Variants in NRP1 observed in about 807,000 individuals in gnomAD.
NRP1 encodes the protein neuropilin 1, also known as neuropilin-1.
A neutral mutation model predicts 106.7 loss-of-function variants in NRP1; 35 were observed. The ratio of observed to expected loss-of-function variants is 0.33; its 90% CI spans 0.25 to 0.43. The LOEUF (loss-of-function observed/expected upper bound fraction) is 0.43, where lower values mean the gene tolerates loss of function less well. NRP1 is among the 20% of genes least tolerant of loss of function. The probability of loss-of-function intolerance (pLI) is 1.00; values close to 1 mark genes in which losing one functional copy is unlikely to be tolerated. For synonymous variants in NRP1, 437 were observed against 417.9 expected, an observed-to-expected ratio of 1.05 and a Z score of -0.56; for missense variants, 1,024 against 1,170.4, an observed-to-expected ratio of 0.87 and a Z score of 1.83.
intron 2 of NRP1, among the ~76,000 whole-genome samples, chr10:33,307,332 A>C (rs926569693): frequency 1.3e-5 from 2 of 152,128 alleles, no homozygotes; most frequent in Non-Finnish European, 2.9e-5. Context: ...ATGCTCATTC[A>C]TTTGCCTATT....
At chr10:33,284,494 G>A (rs1467147872) in intron 2 of NRP1, among the ~76,000 whole-genome samples, 4 of 152,104 alleles carry the variant, frequency 2.6e-5, no homozygotes, top group Non-Finnish European at 4.4e-5. Flanking sequence ...CCTTCCAGTT[G>A]AAACTTATTA....
chr10:33,307,017 A>G (rs545966320), intron 2 of NRP1, among the ~76,000 whole-genome samples: 3 of 152,308 alleles, frequency 2.0e-5, no homozygotes, highest in African/African-American at 7.2e-5. Flanking sequence ...ACTTTTCCAT[A>G]CTCTGCATAT....
chr10:33,333,733 T>C (rs1201287616), intron 1 of NRP1, among the ~76,000 whole-genome samples: 1 of 152,236 alleles, frequency 6.6e-6, no homozygotes, highest in Non-Finnish European at 1.5e-5. Flanking sequence ...GATTTTCAGA[T>C]ATCCTGGTGC....
rs757963789 is a variant in NRP1 at position 33,263,675 on chromosome 10, C to A, written c.629G>T (p.Arg210Leu). Residue 210 changes from arginine (R) to leucine (L), a missense_variant, in exon 4 of 17, where the codon CGG becomes CTG. By Grantham distance (102) the Arg-to-Leu change is moderately radical. This residue lies in a region of NRP1 where 279 missense variants were observed against 327.4 expected (regional missense o/e 0.85). Transcript: ENST00000374867. ...PPGGMFCRYD[R>L]LEIWDGFPDV... ...AGGGAATCCATCCCAGATTTCTAGCCGGTCGTAGCGACAGAACATCCCCCC... is the reference window on the plus strand; with the variant it reads ...AGGGAATCCATCCCAGATTTCTAGCAGGTCGTAGCGACAGAACATCCCCCC... The A allele has an allele frequency of 6.2e-7, 1 of 1,613,940 alleles. No homozygotes were observed. Among genetic ancestry groups the A allele is most frequent in the Non-Finnish European group, 8.5e-7 (1 of 1,179,922 alleles).
intron 4 of NRP1, among the ~76,000 whole-genome samples, chr10:33,260,317 T>G (rs1174437014): frequency 6.6e-6 from 1 of 152,178 alleles, no homozygotes; most frequent in African/African-American, 2.4e-5. Context: ...TTGTAGCTTT[T>G]CCCCAGAAAA....
At chr10:33,317,228 C>A (rs1847103081) in intron 2 of NRP1, among the ~76,000 whole-genome samples, 1 of 152,168 alleles carries the variant, frequency 6.6e-6, no homozygotes. Flanking sequence ...TCACATAAGG[C>A]CATTCATGAG....
chr10:33,187,091 T>C (rs1836061068), intron 13 of NRP1, among the ~76,000 whole-genome samples: 1 of 152,244 alleles, frequency 6.6e-6, no homozygotes, highest in East Asian at 1.9e-4. Flanking sequence ...CAGGCTAGTC[T>C]CAAACTCCTG....
At chr10:33,230,764 A>G (rs140099314) in intron 6 of NRP1, among the ~76,000 whole-genome samples, 1 of 151,964 alleles carries the variant, frequency 6.6e-6, no homozygotes, top group East Asian at 1.9e-4. Context: ...ATCTGAATCT[A>G]TTTCTTTGGT....
chr10:33,331,507 A>G (rs1184637300), intron 1 of NRP1, among the ~76,000 whole-genome samples: 1 of 152,240 alleles, frequency 6.6e-6, no homozygotes, highest in Non-Finnish European at 1.5e-5. Context: ...TACTTCTCCA[A>G]GTAAAGTTGT....
intron 4 of NRP1, among the ~76,000 whole-genome samples, chr10:33,259,455 T>A (rs1271123267): frequency 6.6e-6 from 1 of 152,320 alleles, no homozygotes; most frequent in East Asian, 1.9e-4. Flanking sequence ...ATCCGTCTCG[T>A]GTGTGTGCTC....
At chr10:33,263,527 T>C (rs1371584173) in intron 4 of NRP1, 119 bp downstream of exon 4, 1 of 687,366 alleles carries the variant, frequency 1.5e-6, no homozygotes, top group African/African-American at 1.8e-5. Flanking sequence ...TTTTGCTTTG[T>C]TTTCCAGTGT....
chr10:33,238,193 T>G (rs1185799885), intron 6 of NRP1, among the ~76,000 whole-genome samples: 1 of 152,228 alleles, frequency 6.6e-6, no homozygotes, highest in South Asian at 2.1e-4. Flanking sequence ...GCGAGACTTC[T>G]CTCTTGAGTC....
intron 6 of NRP1, among the ~76,000 whole-genome samples, chr10:33,236,691 G>A (rs1315614732): frequency 6.6e-6 from 1 of 152,208 alleles, no homozygotes; most frequent in Non-Finnish European, 1.5e-5. Flanking sequence ...AACAGTAATA[G>A]AAGAATGAGT....
intron 6 of NRP1, among the ~76,000 whole-genome samples, chr10:33,248,336 A>T (rs1483270939): frequency 6.6e-6 from 1 of 152,150 alleles, no homozygotes; most frequent in Non-Finnish European, 1.5e-5. Context: ...GAAACATAAG[A>T]TTTCGTTGTT....
At chr10:33,262,216 A>G (rs1316857736) in intron 4 of NRP1, among the ~76,000 whole-genome samples, 1 of 152,214 alleles carries the variant, frequency 6.6e-6, no homozygotes, top group Non-Finnish European at 1.5e-5. Flanking sequence ...AAACCAGACT[A>G]AACACAAGAC....
At chr10:33,282,750 CT>C (rs899197034) in intron 2 of NRP1, among the ~76,000 whole-genome samples, 234 of 144,950 alleles carry the variant, frequency 1.6e-3, no homozygotes, top group Admixed American at 1.4e-3. Flanking sequence ...CTGAACTTTT[CT>C]TTTTTTTTTT....
chr10:33,197,634 G>C lies in NRP1; in HGVS notation c.1924+16C>G. The stretch of plus-strand genomic sequence containing the variant: ...AGGTACATGGAATCTGTCACATTTC[G>C]TATTTTATTTGATACCTGATTGTAT... On this transcript the variant is annotated intron_variant, in intron 12 of 16. Transcript: ENST00000374867. 6.3e-7 allele frequency: 1 copy of C among 1,586,940 alleles called. No individual in the cohort carries two copies.
In NRP1 at chr10:33,272,325, T is replaced by C. The variant is rs576087059; in HGVS notation, c.249-1469A>G. On this transcript the variant is annotated intron_variant, in intron 2 of 16. Transcript: ENST00000374867. ...ACTAAGCATTAACATATGTGAATTATTGTATTAACTGCATTTCCTCTGCTA... is the reference window on the plus strand; with the variant it reads ...ACTAAGCATTAACATATGTGAATTACTGTATTAACTGCATTTCCTCTGCTA... Among the ~76,000 whole-genome samples the C allele has an allele frequency of 6.6e-4, 101 of 152,328 alleles. 1 individual carries two copies. Among genetic ancestry groups the C allele is most frequent in the Middle Eastern group, 6.8e-3 (2 of 294 alleles).
chr10:33,236,513 G>C (rs1241885913), intron 6 of NRP1, among the ~76,000 whole-genome samples: 1 of 152,216 alleles, frequency 6.6e-6, no homozygotes, highest in Non-Finnish European at 1.5e-5. Context: ...GTAGAAGACC[G>C]AGAGGGTAGG....
Sources: allele counts gnomAD v4.1 joint callset (sites outside exome capture counted in the v4.1 genomes callset), GRCh38; gene constraint gnomAD v4.1.1; regional missense constraint gnomAD v4.1.1; transcripts MANE v1.5; gene names NCBI Gene and HGNC (gene_info 2026-07-23, HGNC 2026-07-21).